The following DDX41 variants were observed in gnomAD, a reference collection of about 807,000 sequenced individuals.
The protein encoded by DDX41 is probable ATP-dependent RNA helicase DDX41.
DDX41 carries 50 observed loss-of-function variants against 78.8 expected under a neutral mutation model. The ratio of observed to expected loss-of-function variants is 0.63; its 90% CI spans 0.51 to 0.80. The LOEUF (loss-of-function observed/expected upper bound fraction) is 0.80. DDX41 is among the 30% of genes least tolerant of loss of function. The probability of loss-of-function intolerance (pLI) is 0.00; values close to 1 mark genes in which losing one functional copy is unlikely to be tolerated. For missense variants in DDX41, 633 were observed against 849.2 expected (o/e 0.75, Z 3.16); for synonymous variants, 381 against 321.5 (o/e 1.19, Z -1.98).
intron 6 of DDX41, 177 bp downstream of exon 6, chr5:177,515,508 G>A (rs1269498160): frequency 3.2e-6 from 3 of 925,792 alleles, no homozygotes; most frequent in Non-Finnish European, 3.4e-6. Flanking sequence ...TAACAGCAGA[G>A]AACAATGAAC....
At position 177,513,522 on chromosome 5, in the gene DDX41, G is replaced by T; in HGVS notation, c.1099-38C>A. ...GGGGCTGCGACCAAGGGCACACAGG[G>T]CTGGGCTGAGGGGCATGGGGTCTGG... is the stretch of plus-strand genomic sequence containing the variant. On this transcript the variant is annotated intron_variant, in intron 10 of 16. Coordinates refer to ENST00000330503, the MANE Select transcript of DDX41 (RefSeq NM_016222.4). This position sits in a 1 kb window ranked among gnomAD's most constrained non-coding sequence, Gnocchi z 4.6. 6.2e-7 allele frequency: 1 copy of T among 1,613,934 alleles called. No homozygotes were observed. The highest frequency in any genetic ancestry group is 8.5e-7 in the Non-Finnish European group (1 of 1,179,998).
chr5:177,514,103 C>A lies in DDX41; in HGVS notation c.936-256G>T. The A allele has an allele frequency of 1.5e-6, 1 of 648,872 alleles. No individual in the cohort carries two copies. The highest frequency in any genetic ancestry group is 1.5e-5 in the South Asian group (1 of 66,292). The allele number at this position is 648,872 out of a possible 1,614,324, so 40.2% of individuals were successfully genotyped here. A position where few individuals can be genotyped will look rare whatever the true frequency, so the allele number is the denominator to read the frequency against. On this transcript the variant is annotated intron_variant, in intron 9 of 16. Coordinates refer to ENST00000330503, the MANE Select transcript of DDX41 (RefSeq NM_016222.4). The surrounding 1 kb of genome is among the most constrained non-coding windows in gnomAD (Gnocchi z 4.2). The stretch of plus-strand genomic sequence containing the variant: ...TCAGCCTCTCACCCAGAAGCGCTGT[C>A]ATCAAGCTCCAGAGGCTTTACTCTG...
Position 177,514,892 on chromosome 5 carries a change from G to A in DDX41, c.798+24C>T. ...AGATGGCAGCCCCAATCTCTGGCCT[G>A]CCCTCCAGGCCAGCCTATCTTACCG... is the stretch of plus-strand genomic sequence containing the variant. On this transcript the variant is annotated intron_variant, in intron 8 of 16. Transcript: ENST00000330503. This position sits in a 1 kb window ranked among gnomAD's most constrained non-coding sequence, Gnocchi z 4.2. 6.2e-7 allele frequency: 1 copy of A among 1,603,214 alleles called. No homozygotes were observed. The highest frequency in any genetic ancestry group is 1.7e-4 in the Middle Eastern group (1 of 6,036).
chr5:177,516,550 AG>A, intron 2 of DDX41, 103 bp from the exon 3 acceptor site: 1 of 1,488,070 alleles, frequency 6.7e-7, no homozygotes, highest in Non-Finnish European at 9.2e-7. Flanking sequence ...CGAGGCGCAA[AG>A]CTGCCCTACC....
In DDX41 at chr5:177,512,675, G is replaced by A. The variant is rs369750395; in HGVS notation, c.1400-30C>T. Reference sequence around the variant, plus strand: ...GGAGGGTCAGGCAGACACTGTCAGAGCCACCATGGGACAGGGGAGTGGCAG... The same window carrying A: ...GGAGGGTCAGGCAGACACTGTCAGAACCACCATGGGACAGGGGAGTGGCAG... On this transcript the variant is annotated intron_variant, in intron 13 of 16. Coordinates refer to ENST00000330503, the MANE Select transcript of DDX41 (RefSeq NM_016222.4). 132 of 1,613,754 alleles carry A rather than the reference G, an allele frequency of 8.2e-5. 1 individual carries two copies. The African/African-American group carries it at 1.4e-3, about 17-fold the overall frequency.
rs997092535 is a variant in DDX41, at chr5:177,513,371, G to A, written c.1212C>T (p.Ala404=). 1.2e-6 allele frequency: 2 copies of A among 1,613,994 alleles called. No individual in the cohort carries two copies. The highest frequency in any genetic ancestry group is 1.7e-5 in the Admixed American group (1 of 60,006). ...VTINVGRAGA[A]SLDVIQEVEY... The stretch of plus-strand genomic sequence containing the variant: ...TGCCCACCTGGATGACATCCAGGCT[G>A]GCAGCCCCAGCGCGCCCCACATTGA... Residue 404 remains alanine, a synonymous_variant, in exon 11 of 17, where the codon GCC becomes GCT. Transcript: ENST00000330503. This position sits in a 1 kb window ranked among gnomAD's most constrained non-coding sequence, Gnocchi z 4.6.
In DDX41 at chr5:177,512,080, C is replaced by A; in HGVS notation, c.1732+16G>T. Reference sequence around the variant, plus strand: ...ACCTGCCGGCTGGGGACTCGGGGATCCCGCTCTGCAGTCACCTCCAATGTC... The same window carrying A: ...ACCTGCCGGCTGGGGACTCGGGGATACCGCTCTGCAGTCACCTCCAATGTC... On this transcript the variant is annotated intron_variant, in intron 16 of 16. Transcript: ENST00000330503. The A allele has an allele frequency of 1.9e-6, 3 of 1,611,960 alleles. No homozygotes were observed. In the South Asian group the frequency reaches 3.3e-5, roughly 18 times the overall value.
Position 177,512,018 on chromosome 5 carries a change from G to A in DDX41, c.1732+78C>T, listed in dbSNP as rs563299155. 286 of 1,606,476 alleles carry A rather than the reference G, an allele frequency of 1.8e-4. 1 individual carries two copies. In the South Asian group the frequency reaches 2.8e-3, roughly 15 times the overall value. On this transcript the variant is annotated intron_variant, in intron 16 of 16. Coordinates refer to ENST00000330503, the MANE Select transcript of DDX41 (RefSeq NM_016222.4). ...CCCCGTTAGGCACCCTCGGTCCACCGGTTTCACGTTTCTGACTTCCAGCAC... is the reference window on the plus strand; with the variant it reads ...CCCCGTTAGGCACCCTCGGTCCACCAGTTTCACGTTTCTGACTTCCAGCAC...
chr5:177,515,366 G>T, intron 6 of DDX41, 108 bp from the exon 7 acceptor site: 1 of 1,130,830 alleles, frequency 8.8e-7, no homozygotes, highest in Non-Finnish European at 1.3e-6. Context: ...ATGAAACTGA[G>T]GCTCAGAGAG....
chr5:177,515,122 C>T, intron 7 of DDX41, 53 bp from the exon 8 acceptor site: 1 of 1,613,324 alleles, frequency 6.2e-7, no homozygotes, highest in Non-Finnish European at 8.5e-7. Context: ...TGAAGGACAC[C>T]TAGCCATTGC....
chr5:177,515,532 G>T, intron 6 of DDX41, 153 bp downstream of exon 6: 1 of 1,011,476 alleles, frequency 9.9e-7, no homozygotes, highest in African/African-American at 1.6e-5. Context: ...TACAGCTGAG[G>T]CAACAAGGAA....
chr5:177,512,458 T>C (rs779343184), intron 14 of DDX41, 38 bp downstream of exon 14: 6 of 1,614,046 alleles, frequency 3.7e-6, no homozygotes, highest in South Asian at 3.3e-5. Context: ...TTGGCCCTTT[T>C]CCGGCCTAAC....
At chr5:177,512,056 C>G (rs1305887178) in intron 16 of DDX41, 40 bp downstream of exon 16, 4 of 1,609,260 alleles carry the variant, frequency 2.5e-6, no homozygotes, top group Non-Finnish European at 3.4e-6. Flanking sequence ...CTCCTTGCCA[C>G]CTGCCGGCTG....
In DDX41 at chr5:177,516,899, G is replaced by T; in HGVS notation, c.27+20C>A. 6.2e-7 allele frequency: 1 copy of T among 1,613,342 alleles called. No individual in the cohort carries two copies. On this transcript the variant is annotated intron_variant, in intron 1 of 16. Transcript: ENST00000330503. ...CTTCACGCCCGCTCCCACACGCGCG[G>T]GGTCTCGCCTCTCTCCTACCTTCCG...
rs768748580 is a variant in DDX41, at chr5:177,513,416, G to A, written c.1167C>T (p.Ala389=). ...PKKIQNFAKS[A]LVKPVTINVG... ...CATTGATGGTCACAGGCTTTACAAG[G>A]GCACTCTTAGCAAAGTTCTGAATCT... Residue 389 remains alanine, a synonymous_variant, in exon 11 of 17, where the codon GCC becomes GCT. Coordinates refer to ENST00000330503, the MANE Select transcript of DDX41 (RefSeq NM_016222.4). This position sits in a 1 kb window ranked among gnomAD's most constrained non-coding sequence, Gnocchi z 4.6. 6 of 1,614,168 alleles carry A rather than the reference G, an allele frequency of 3.7e-6. No homozygotes were observed. The highest frequency in any genetic ancestry group is 2.2e-5 in the East Asian group (1 of 44,884).
chr5:177,516,580 G>T, intron 2 of DDX41, 133 bp from the exon 3 acceptor site: 1 of 1,394,960 alleles, frequency 7.2e-7, no homozygotes, highest in Non-Finnish European at 9.9e-7. Flanking sequence ...CAAGCCGTCG[G>T]TCCCTCGTTT....
chr5:177,512,317 C>A lies in DDX41; in HGVS notation c.1621+5G>T, dbSNP rs2127435833. The A allele has an allele frequency of 2.5e-6, 4 of 1,614,048 alleles. No homozygotes were observed. The highest frequency in any genetic ancestry group is 3.4e-6 in the Non-Finnish European group (4 of 1,179,970). Reference sequence around the variant, plus strand: ...CAGCTAAGGTGGCGCTGGTAACAGACTCACCACACGCTTTGTTGATGAAGG... The same window carrying A: ...CAGCTAAGGTGGCGCTGGTAACAGAATCACCACACGCTTTGTTGATGAAGG... On this transcript the variant is annotated splice_donor_5th_base_variant and intron_variant, in intron 15 of 16. Coordinates refer to ENST00000330503, the MANE Select transcript of DDX41 (RefSeq NM_016222.4).
At chr5:177,512,757 G>A in intron 13 of DDX41, 23 bp downstream of exon 13, 1 of 1,613,680 alleles carries the variant, frequency 6.2e-7, no homozygotes, top group Non-Finnish European at 8.5e-7. Flanking sequence ...CAGGGTCCAA[G>A]CCAGTGCTTG....
In DDX41 at chr5:177,513,019, G is replaced by A; in HGVS notation, c.1294C>T (p.Pro432Ser). Residue 432 changes from proline to serine, a missense_variant, in exon 12 of 17, where the codon CCC (proline) becomes TCC (serine). Coordinates refer to ENST00000330503, the MANE Select transcript of DDX41 (RefSeq NM_016222.4). This position sits in a 1 kb window ranked among gnomAD's most constrained non-coding sequence, Gnocchi z 4.6. ...VYLLECLQKT[P>S]PPVLIFAEKK... ...GGCCTGGCTGCACTCACAGGCGGGG[G>A]TGTCTTCTGCAGGCACTCGAGCAGG... 1 of 1,613,802 alleles carries A rather than the reference G, an allele frequency of 6.2e-7. No individual in the cohort carries two copies. Among genetic ancestry groups the A allele is most frequent in the Non-Finnish European group, 8.5e-7 (1 of 1,179,862 alleles).
Sources: gnomAD v4.1 joint callset for allele counts on GRCh38, gnomAD v4.1.1 for gene constraint, Gnocchi (gnomAD v3.1) non-coding constraint, MANE v1.5 for transcripts, NCBI Gene and HGNC (gene_info 2026-07-23, HGNC 2026-07-21) for gene names.